Variants in BAIAP2 observed in about 807,000 individuals in gnomAD.
BAIAP2 encodes the protein BAR/IMD domain-containing adapter protein 2.
Under a neutral mutation model 63.0 loss-of-function variants are expected in BAIAP2, and 18 were observed. The ratio of observed to expected loss-of-function variants is 0.29; its 90% confidence interval spans 0.20 to 0.42. BAIAP2 has a LOEUF of 0.42. Ranked by LOEUF, BAIAP2 falls within the 10% of genes least tolerant of loss-of-function variation. BAIAP2 has a pLI of 1.00. For missense variants in BAIAP2, 610 were observed against 734.3 expected, an observed-to-expected ratio of 0.83 and a Z score of 1.96; for synonymous variants, 386 against 307.6, an observed-to-expected ratio of 1.25 and a Z score of -2.67.
At chr17:81,096,553 G>A (rs1018092119) in intron 6 of BAIAP2, among the ~76,000 whole-genome samples, 34 of 152,150 alleles carry the variant, frequency 2.2e-4, no homozygotes, top group African/African-American at 7.5e-4. Flanking sequence ...GGTCTGAGTG[G>A]TGTTGCAGGG....
At chr17:81,039,379 G>A (rs983771978) in intron 1 of BAIAP2, among the ~76,000 whole-genome samples, 12 of 152,128 alleles carry the variant, frequency 7.9e-5, no homozygotes, top group South Asian at 2.1e-4. Flanking sequence ...TCCAGGTGGC[G>A]TCCAGCGTTC....
At chr17:81,061,937 G>A (rs1271893469) in intron 3 of BAIAP2, among the ~76,000 whole-genome samples, 1 of 152,042 alleles carries the variant, frequency 6.6e-6, no homozygotes, top group Admixed American at 6.6e-5. Context: ...TTTCCTTTTT[G>A]TAATAGTGGT....
At chr17:81,106,270 C>A in intron 11 of BAIAP2, 124 bp downstream of exon 11, 1 of 1,037,508 alleles carries the variant, frequency 9.6e-7, no homozygotes, top group Non-Finnish European at 1.4e-6. Flanking sequence ...ACCGCAGGGC[C>A]ATCCCCAGTG....
intron 1 of BAIAP2, among the ~76,000 whole-genome samples, chr17:81,037,705 C>T (rs139720792): frequency 7.9e-5 from 12 of 152,372 alleles, no homozygotes; most frequent in African/African-American, 1.9e-4. Flanking sequence ...GGCAGTGCCT[C>T]TTGGAACGGC....
chr17:81,114,136 A>AT (rs58461450), intron 13 of BAIAP2, among the ~76,000 whole-genome samples: 14,823 of 124,552 alleles, frequency 0.12, 1,233 homozygotes, highest in African/African-American at 0.21. Flanking sequence ...CACCTGCCTA[A>AT]TTTTTTTTTT....
At chr17:81,075,281 G>A (rs950029776) in intron 3 of BAIAP2, among the ~76,000 whole-genome samples, 2 of 152,164 alleles carry the variant, frequency 1.3e-5, no homozygotes, top group Non-Finnish European at 2.9e-5. Context: ...TCTCTCTTCC[G>A]GGACCATCCT....
intron 4 of BAIAP2, chr17:81,085,318 G>T: frequency 3.7e-6 from 2 of 533,620 alleles, no homozygotes; most frequent in East Asian, 3.4e-5. Context: ...CCTGGTGTCA[G>T]TTCAGGCCCA....
intron 3 of BAIAP2, among the ~76,000 whole-genome samples, chr17:81,079,926 T>C (rs113458192): frequency 8.5e-5 from 13 of 152,108 alleles, no homozygotes; most frequent in African/African-American, 3.1e-4. Flanking sequence ...GCCCGCCGCA[T>C]GGGAGGGAGT....
intron 3 of BAIAP2, among the ~76,000 whole-genome samples, chr17:81,061,123 CA>C (rs567910479): frequency 6.6e-6 from 1 of 151,902 alleles, no homozygotes; most frequent in Non-Finnish European, 1.5e-5. Flanking sequence ...GACTCCGTCT[CA>C]AAAAAAAGTT....
chr17:81,044,350 C>G (rs374097453), intron 1 of BAIAP2, among the ~76,000 whole-genome samples: 1 of 152,216 alleles, frequency 6.6e-6, no homozygotes. Flanking sequence ...AGTGACCGGG[C>G]CTTTCCACGT....
chr17:81,095,822 T>C (rs1251675253), intron 6 of BAIAP2, among the ~76,000 whole-genome samples: 1 of 152,116 alleles, frequency 6.6e-6, no homozygotes, highest in Admixed American at 6.5e-5. Flanking sequence ...CGGGGCTCCT[T>C]TGAGTAAGTG....
chr17:81,111,209 G>T (rs1163813357), intron 13 of BAIAP2, among the ~76,000 whole-genome samples: 1 of 152,244 alleles, frequency 6.6e-6, no homozygotes, highest in Non-Finnish European at 1.5e-5. Flanking sequence ...TCCTCTCACT[G>T]CTGGGTGTGG....
rs1380862115 is a variant in BAIAP2, at chr17:81,115,833, C to T, written c.1599C>T (p.Leu533=). Residue 533 remains leucine, a synonymous_variant, in exon 14 of 14, where the codon CTC becomes CTT. Transcript: ENST00000428708. ...CCAACGACAGGTCTGCCCCCCTCCT[C>T]AGCTGATGGCCACATCTGCAGTGCT... ...TVTNDRSAPL[L]S 4 of 1,613,304 alleles carry T rather than the reference C, an allele frequency of 2.5e-6. No homozygotes were observed. In the East Asian group the frequency reaches 6.7e-5, roughly 27 times the overall value.
In BAIAP2 at chr17:81,046,058, C is replaced by A. The variant is rs560699065; in HGVS notation, c.55-7610C>A. On this transcript the variant is annotated intron_variant, in intron 1 of 13. Transcript: ENST00000428708. The surrounding 1 kb of genome is among the most constrained non-coding windows in gnomAD (Gnocchi z 4.5). ...TGGCCACCCAGTTTTCTTCTCCCCT[C>A]GGCTGTGGGGACCCTATTAATACTC... Among the ~76,000 whole-genome samples the A allele has an allele frequency of 1.3e-5, 2 of 152,260 alleles. No individual in the cohort carries two copies. The highest frequency in any genetic ancestry group is 4.8e-5 in the African/African-American group (2 of 41,542).
At chr17:81,066,281 C>T (rs1003836612) in intron 3 of BAIAP2, among the ~76,000 whole-genome samples, 6 of 152,204 alleles carry the variant, frequency 3.9e-5, no homozygotes, top group African/African-American at 9.7e-5. Flanking sequence ...CCCAGGTGCC[C>T]GGGAGAGTGG....
At chr17:81,081,536 T>C (rs2054605791) in intron 3 of BAIAP2, among the ~76,000 whole-genome samples, 1 of 152,118 alleles carries the variant, frequency 6.6e-6, no homozygotes, top group South Asian at 2.1e-4. Context: ...TCCCGTCTCC[T>C]CCCCTGCCCT....
rs371379866 is a variant in BAIAP2, at chr17:81,106,075, C to T, written c.1269-3C>T. The T allele has an allele frequency of 1.9e-6, 3 of 1,572,930 alleles. No homozygotes were observed. The highest frequency in any genetic ancestry group is 1.3e-5 in the African/African-American group (1 of 74,384). ...TGGCTCTTACCTGGGGCCTCTCTTC[C>T]AGGCGGGGCTGGTTTCCCTTCTCCT... On this transcript the variant is annotated splice_polypyrimidine_tract_variant and splice_region_variant and intron_variant, in intron 10 of 13. Transcript: ENST00000428708.
Position 81,110,944 on chromosome 17 carries a change from C to T in BAIAP2, c.1535+2435C>T, listed in dbSNP as rs754366446. The T allele has an allele frequency of 3.0e-5, 49 of 1,613,786 alleles. No individual in the cohort carries two copies. The South Asian group carries it at 4.1e-4, about 13-fold the overall frequency. ...ATGTGGAAGTGGCCAGATTCTGAGC[C>T]GCCTGACTAGAGTTAGTAAGTTGCC... On this transcript the variant is annotated intron_variant, in intron 13 of 13. Transcript: ENST00000428708.
At position 81,111,206 on chromosome 17, in the gene BAIAP2, A is replaced by G. The variant is rs60067074; in HGVS notation, c.1535+2697A>G. On this transcript the variant is annotated intron_variant, in intron 13 of 13. Transcript: ENST00000428708. ...GCTGGCTGTGCCCGGGGCTCCTCTCACTGCTGGGTGTGGCTCTGGCCCTGA... is the reference window on the plus strand; with the variant it reads ...GCTGGCTGTGCCCGGGGCTCCTCTCGCTGCTGGGTGTGGCTCTGGCCCTGA... Among the ~76,000 whole-genome samples, 1,128 of 152,064 alleles carry G rather than the reference A, an allele frequency of 7.4e-3. 14 individuals are homozygous for G. Among genetic ancestry groups the G allele is most frequent in the African/African-American group, 0.026 (1,073 of 41,464 alleles).
Sources: allele counts gnomAD v4.1 joint callset (sites outside exome capture counted in the v4.1 genomes callset), GRCh38; gene constraint gnomAD v4.1.1; non-coding constraint Gnocchi (gnomAD v3.1); transcripts MANE v1.5; gene names NCBI Gene and HGNC (gene_info 2026-07-23, HGNC 2026-07-21).